Variants in KCNMA1 observed in about 807,000 individuals in gnomAD.
KCNMA1 encodes Calcium-activated potassium channel subunit alpha-1.
In KCNMA1, 29 loss-of-function variants were observed where a neutral mutation model predicts 140.0. That is an observed-to-expected ratio of 0.21 (90% CI 0.15 to 0.28). KCNMA1 has a LOEUF of 0.28. KCNMA1 is among the 10% of genes least tolerant of loss of function. KCNMA1 has a pLI of 1.00. For synonymous variants in KCNMA1, 612 were observed against 611.9 expected (o/e 1.00, Z 0.00); for missense variants, 880 against 1,602.2 (o/e 0.55, Z 7.70).
intron 2 of KCNMA1, among the ~76,000 whole-genome samples, chr10:77,332,454 T>G (rs958409320): frequency 6.6e-6 from 1 of 152,154 alleles, no homozygotes; most frequent in African/African-American, 2.4e-5. Context: ...GTTAGTTCCA[T>G]GAGGGCTGTT....
chr10:77,284,324 T>C (rs1199675803), intron 2 of KCNMA1, among the ~76,000 whole-genome samples: 5 of 151,514 alleles, frequency 3.3e-5, no homozygotes, highest in Non-Finnish European at 7.4e-5. Context: ...CCTGGGAGAG[T>C]AGAGTAAAAT....
chr10:77,574,793 C>T (rs1052690522), intron 1 of KCNMA1, among the ~76,000 whole-genome samples: 1 of 152,254 alleles, frequency 6.6e-6, no homozygotes, highest in Admixed American at 6.5e-5. Context: ...GTGCACCCAA[C>T]ACACTGTAAG....
intron 2 of KCNMA1, among the ~76,000 whole-genome samples, chr10:77,395,246 A>T (rs2096004623): frequency 6.6e-6 from 1 of 152,154 alleles, no homozygotes; most frequent in South Asian, 2.1e-4. Context: ...GCTATCAGGG[A>T]GGCTGAGGCA....
At chr10:77,609,327 A>C (rs1009660845) in intron 1 of KCNMA1, among the ~76,000 whole-genome samples, 3 of 152,254 alleles carry the variant, frequency 2.0e-5, no homozygotes, top group African/African-American at 7.2e-5. Context: ...CAGTATGTTA[A>C]GTGAAATAAG....
At chr10:77,082,292 T>A (rs11002008) in intron 12 of KCNMA1, among the ~76,000 whole-genome samples, 1 of 151,974 alleles carries the variant, frequency 6.6e-6, no homozygotes, top group East Asian at 1.9e-4. Context: ...CTCCCAAAGT[T>A]CTGGGATTAC....
At chr10:77,269,640 T>C (rs1600690945) in intron 2 of KCNMA1, among the ~76,000 whole-genome samples, 1 of 152,186 alleles carries the variant, frequency 6.6e-6, no homozygotes, top group Admixed American at 6.5e-5. Flanking sequence ...GTCAGGGCCG[T>C]GGCCACCTGA....
rs11001969 is a variant in KCNMA1, at chr10:77,013,073, G to A, written c.2016-1030C>T. On this transcript the variant is annotated intron_variant, in intron 17 of 27. Transcript: ENST00000286628. ...ACTCCCAACAGGAAACTGAATGCCA[G>A]CTATGAACATGGCCTTTTCTTGACC... Among the ~76,000 whole-genome samples, 136 of 152,310 alleles carry A rather than the reference G, an allele frequency of 8.9e-4. 1 individual carries two copies. The East Asian group carries it at 0.022, about 25-fold the overall frequency.
intron 6 of KCNMA1, among the ~76,000 whole-genome samples, chr10:77,120,720 T>C (rs1311762499): frequency 1.3e-5 from 2 of 152,172 alleles, no homozygotes; most frequent in Non-Finnish European, 2.9e-5. Context: ...ATATCAGCTA[T>C]GTGTCCCTAA....
At chr10:76,963,626 C>CT (rs1275148306) in intron 20 of KCNMA1, among the ~76,000 whole-genome samples, 1 of 152,168 alleles carries the variant, frequency 6.6e-6, no homozygotes, top group Non-Finnish European at 1.5e-5. Flanking sequence ...CTCTGTGACT[C>CT]TGTGGAACTC....
At chr10:77,489,684 T>C (rs2098508769) in intron 1 of KCNMA1, among the ~76,000 whole-genome samples, 1 of 152,200 alleles carries the variant, frequency 6.6e-6, no homozygotes, top group Non-Finnish European at 1.5e-5. Flanking sequence ...CCTTACTCTA[T>C]CAGCAAGCCC....
At chr10:77,587,134 G>A (rs1481198181) in intron 1 of KCNMA1, 2 of 152,136 alleles carry the variant, frequency 1.3e-5, no homozygotes, top group East Asian at 3.9e-4. Context: ...TACTTGGATG[G>A]AAGAAACAAC....
chr10:77,524,578 T>C (rs1255819436), intron 1 of KCNMA1, among the ~76,000 whole-genome samples: 1 of 152,194 alleles, frequency 6.6e-6, no homozygotes, highest in African/African-American at 2.4e-5. Flanking sequence ...AACCTCAGCA[T>C]GGTGGTATGT....
At chr10:77,437,022 T>C (rs2097280039) in intron 1 of KCNMA1, among the ~76,000 whole-genome samples, 1 of 151,340 alleles carries the variant, frequency 6.6e-6, no homozygotes, top group Non-Finnish European at 1.5e-5. Flanking sequence ...TGTTCCACTT[T>C]AGTGGAGGGA....
chr10:77,485,507 C>T (rs915458314), intron 1 of KCNMA1, among the ~76,000 whole-genome samples: 1 of 152,190 alleles, frequency 6.6e-6, no homozygotes, highest in South Asian at 2.1e-4. Context: ...TGTTAGCAAG[C>T]CCCTAGAGAA....
At chr10:76,870,054 A>G (rs1288229784) in exon 28 of KCNMA1, 2 of 152,602 alleles carry the variant, frequency 1.3e-5, no homozygotes, top group Admixed American at 6.5e-5. Flanking sequence ...TTTAATTAGG[A>G]TTTCCCAACA....
chr10:77,505,551 A>G (rs1322766923), intron 1 of KCNMA1, among the ~76,000 whole-genome samples: 3 of 152,256 alleles, frequency 2.0e-5, no homozygotes, highest in Non-Finnish European at 4.4e-5. Context: ...TAGAACATCA[A>G]AAACAGAAGC....
chr10:77,310,830 A>G (rs1332558299), intron 2 of KCNMA1, among the ~76,000 whole-genome samples: 1 of 152,232 alleles, frequency 6.6e-6, no homozygotes, highest in Non-Finnish European at 1.5e-5. Flanking sequence ...AACCCTTTCC[A>G]ACCCTGGAAC....
intron 2 of KCNMA1, among the ~76,000 whole-genome samples, chr10:77,352,997 C>G (rs998600109): frequency 6.6e-6 from 1 of 152,222 alleles, no homozygotes; most frequent in African/African-American, 2.4e-5. Flanking sequence ...CCATGGAAGA[C>G]AATCCCCTGA....
rs925231581 is a variant in KCNMA1 at position 77,108,358 on chromosome 10, A to C, written c.1223+123T>G. The C allele has an allele frequency of 1.3e-6, 2 of 1,591,562 alleles. No homozygotes were observed. Among genetic ancestry groups the C allele is most frequent in the Non-Finnish European group, 8.5e-7 (1 of 1,175,046 alleles). ...CAGGATGAGAGCAGCAATTTCGGGC[A>C]CGTAGCGGGCAAACATTGCCTACAT... On this transcript the variant is annotated intron_variant, in intron 9 of 27. Coordinates refer to ENST00000286628, the MANE Select transcript of KCNMA1 (RefSeq NM_001161352.2). The surrounding 1 kb of genome is among the most constrained non-coding windows in gnomAD (Gnocchi z 4.6).
Sources: gnomAD v4.1 joint callset for allele counts (sites outside exome capture counted in the v4.1 genomes callset) on GRCh38, gnomAD v4.1.1 for gene constraint, Gnocchi (gnomAD v3.1) non-coding constraint, MANE v1.5 for transcripts, NCBI Gene and HGNC (gene_info 2026-07-23, HGNC 2026-07-21) for gene names.